ZNF638: variants seen among roughly 807,000 people sequenced by gnomAD.
ZNF638 encodes CTCL tumor antigen se33-1.
In ZNF638, 46 loss-of-function variants were observed where a neutral mutation model predicts 195.6. That is an observed-to-expected ratio of 0.24 (90% CI 0.19 to 0.30). The LOEUF is 0.30. ZNF638 is among the 10% of genes least tolerant of loss of function. The pLI is 1.00. For missense variants in ZNF638, 2,440 were observed against 2,325.3 expected (o/e 1.05, Z -1.01); for synonymous variants, 845 against 772.0 (o/e 1.09, Z -1.57).
At chr2:71,414,793 G>A (rs1347634722) in intron 20 of ZNF638, among the ~76,000 whole-genome samples, 4 of 112,046 alleles carry the variant, frequency 3.6e-5, no homozygotes, top group African/African-American at 1.3e-4. Context: ...GGTTTTGAGT[G>A]AGATTCTTAA....
At chr2:71,400,217 T>C (rs1238707119) in intron 14 of ZNF638, 37 bp downstream of exon 14, 35 of 1,512,624 alleles carry the variant, frequency 2.3e-5, no homozygotes, top group African/African-American at 8.4e-5. Context: ...TCTTTACTTA[T>C]TTTAATTACC....
At chr2:71,358,418 G>A (rs879106688) in intron 3 of ZNF638, among the ~76,000 whole-genome samples, 1 of 152,180 alleles carries the variant, frequency 6.6e-6, no homozygotes, top group Admixed American at 6.5e-5. Context: ...GCCTTGAGCA[G>A]TGCTTTTGCT....
intron 2 of ZNF638, among the ~76,000 whole-genome samples, chr2:71,355,069 C>T (rs938025689): frequency 7.9e-5 from 12 of 151,988 alleles, no homozygotes; most frequent in Middle Eastern, 3.2e-3. Context: ...CCCGGGTTCA[C>T]GCCATTCTCC....
rs200225244 is a variant in ZNF638 at position 71,388,626 on chromosome 2, C to T, written c.2378-7515C>T. ...TTTTCATCCGTCGCTCGGCCAGAGT[C>T]GGTGGATCAGACTCAGCAGCTGGTG... On this transcript the variant is annotated intron_variant, in intron 10 of 27. Transcript: ENST00000264447. 4.3e-5 allele frequency: 35 copies of T among 814,822 alleles called. 1 individual carries two copies. The highest frequency in any genetic ancestry group is 9.3e-5 in the South Asian group (7 of 74,994). 50.5% of individuals were successfully genotyped at this position (814,822 alleles called of 1,614,324 possible). A position where few individuals can be genotyped will look rare whatever the true frequency, so the allele number is the denominator to read the frequency against.
chr2:71,370,174 A>G (rs764804139), intron 8 of ZNF638, among the ~76,000 whole-genome samples, 169 bp downstream of exon 8: 64 of 152,224 alleles, frequency 4.2e-4, no homozygotes, highest in Non-Finnish European at 2.2e-4. Flanking sequence ...TCATACATGT[A>G]TGGTGCTATA....
At position 71,400,987 on chromosome 2, in the gene ZNF638, A is replaced by G. The variant is rs376531322; in HGVS notation, c.2697+469A>G. ...ATATTGTTTTCTTATGTTTATATCT[A>G]TTATTATTAATACATTACAATCATT... is the stretch of plus-strand genomic sequence containing the variant. On this transcript the variant is annotated intron_variant, in intron 15 of 27. Transcript: ENST00000264447. 4.6e-5 allele frequency among the ~76,000 whole-genome samples: 7 copies of G among 152,160 alleles called. No individual in the cohort carries two copies. The South Asian group carries it at 1.2e-3, about 27-fold the overall frequency.
At chr2:71,356,993 A>G (rs2104227918) in intron 3 of ZNF638, among the ~76,000 whole-genome samples, 1 of 152,248 alleles carries the variant, frequency 6.6e-6, no homozygotes, top group South Asian at 2.1e-4. Context: ...ACATAGCAAA[A>G]TGGACCCCAC....
chr2:71,426,325 A>C, intron 23 of ZNF638, 135 bp from the exon 24 acceptor site: 1 of 648,592 alleles, frequency 1.5e-6, no homozygotes, highest in Non-Finnish European at 2.6e-6. Flanking sequence ...ACAACTCTTA[A>C]TTTTAGCCTT....
chr2:71,383,762 CTTTTTTTTTTTTT>C (rs1181570876), intron 10 of ZNF638, among the ~76,000 whole-genome samples: 1 of 76,720 alleles, frequency 1.3e-5, no homozygotes, highest in Non-Finnish European at 2.3e-5. Flanking sequence ...TTTTCTTTTT[CTTTTTTTTTTTTT>C]TTTTTTAGTA....
intron 1 of ZNF638, among the ~76,000 whole-genome samples, chr2:71,333,693 A>C (rs1171148584): frequency 6.6e-6 from 1 of 152,218 alleles, no homozygotes; most frequent in Non-Finnish European, 1.5e-5. Context: ...ATCTGGATTC[A>C]CATCTCCCTT....
intron 26 of ZNF638, 116 bp from the exon 27 acceptor site, chr2:71,433,049 T>TG (rs2080699299): frequency 4.9e-6 from 4 of 819,244 alleles, no homozygotes; most frequent in Non-Finnish European, 4.0e-6. Flanking sequence ...ATCGCGCCAC[T>TG]GCCCTCCAAC....
Position 71,428,613 on chromosome 2 carries a change from A to T in ZNF638, c.5612A>T (p.Glu1871Val). 1 of 1,614,126 alleles carries T rather than the reference A, an allele frequency of 6.2e-7. No individual in the cohort carries two copies. Among genetic ancestry groups the T allele is most frequent in the Non-Finnish European group, 8.5e-7 (1 of 1,179,994 alleles). The change falls in exon 25 of 28, where the codon GAA becomes GTA. Residue 1871 changes from glutamate to valine, a missense_variant. Coordinates refer to ENST00000264447, the MANE Select transcript of ZNF638 (RefSeq NM_014497.5). Reference sequence around the variant, plus strand: ...CCATCAGAAAAAGCTGTTGTGACAGAACCAGCAAAAGGTGAAGAGGCCTTC... The same window carrying T: ...CCATCAGAAAAAGCTGTTGTGACAGTACCAGCAAAAGGTGAAGAGGCCTTC... ...TLPSEKAVVT[E>V]PAKGEEAFQM...
At chr2:71,397,097 A>G (rs1426743332) in intron 11 of ZNF638, among the ~76,000 whole-genome samples, 1 of 152,162 alleles carries the variant, frequency 6.6e-6, no homozygotes, top group African/African-American at 2.4e-5. Context: ...ATGGGTGGCT[A>G]GGAAACTTGT....
At chr2:71,364,337 C>G in intron 5 of ZNF638, 85 bp downstream of exon 5, 2 of 1,380,464 alleles carry the variant, frequency 1.4e-6, no homozygotes, top group Non-Finnish European at 9.8e-7. Context: ...GAGAAATGTT[C>G]TACTTTATTA....
chr2:71,371,559 A>C (rs2079313639), intron 8 of ZNF638, among the ~76,000 whole-genome samples: 1 of 152,112 alleles, frequency 6.6e-6, no homozygotes, highest in South Asian at 2.1e-4. Flanking sequence ...GTAAGATGGT[A>C]TCTCATTGTA....
rs369389546 is a variant in ZNF638 at position 71,424,771 on chromosome 2, A to G, written c.4590+56A>G. ...CTTTTTCATCTCCATAGCACAGTTC[A>G]TCTATCTTATAACTTGTGCCTGCCT... On this transcript the variant is annotated intron_variant, in intron 23 of 27. Coordinates refer to ENST00000264447, the MANE Select transcript of ZNF638 (RefSeq NM_014497.5). 21 of 1,389,624 alleles carry G rather than the reference A, an allele frequency of 1.5e-5. No individual in the cohort carries two copies. In the African/African-American group the frequency reaches 3.0e-4, roughly 20 times the overall value. 86.1% of individuals were successfully genotyped at this position (1,389,624 alleles called of 1,614,324 possible).
intron 10 of ZNF638, among the ~76,000 whole-genome samples, chr2:71,392,985 G>A (rs1049952390): frequency 1.3e-5 from 2 of 152,162 alleles, no homozygotes; most frequent in African/African-American, 2.4e-5. Context: ...TAACTTTTGC[G>A]TTTATGGGGT....
chr2:71,399,110 A>G (rs1241226499), intron 12 of ZNF638, among the ~76,000 whole-genome samples: 1 of 152,096 alleles, frequency 6.6e-6, no homozygotes, highest in Admixed American at 6.5e-5. Context: ...CAGTTTGTAC[A>G]GTTTCTTAGA....
intron 1 of ZNF638, among the ~76,000 whole-genome samples, chr2:71,339,370 C>G (rs1230099273): frequency 6.6e-6 from 1 of 152,134 alleles, no homozygotes; most frequent in Non-Finnish European, 1.5e-5. Context: ...TCAGGCTGGT[C>G]TTGAATTCCT....
Sources: gnomAD v4.1 joint callset for allele counts (sites outside exome capture counted in the v4.1 genomes callset) on GRCh38, gnomAD v4.1.1 for gene constraint, MANE v1.5 for transcripts, NCBI Gene and HGNC (gene_info 2026-07-23, HGNC 2026-07-21) for gene names.